BCKDHB: variants seen among roughly 807,000 people sequenced by gnomAD.
The protein encoded by BCKDHB is 2-oxoisovalerate dehydrogenase subunit beta, mitochondrial.
Under a neutral mutation model 48.5 loss-of-function variants are expected in BCKDHB, and 41 were observed. The ratio of observed to expected loss-of-function variants is 0.85; its 90% CI spans 0.66 to 1.10. BCKDHB has a LOEUF of 1.10. BCKDHB is among the 50% of genes least tolerant of loss of function. The probability of loss-of-function intolerance (pLI) is 0.00; values close to 1 mark genes in which losing one functional copy is unlikely to be tolerated. For missense variants in BCKDHB, 496 were observed against 494.2 expected, an observed-to-expected ratio of 1.00 and a Z score of -0.03; for synonymous variants, 201 against 174.8, an observed-to-expected ratio of 1.15 and a Z score of -1.18.
chr6:80,257,569 G>T (rs1777106616), intron 8 of BCKDHB, among the ~76,000 whole-genome samples: 1 of 151,976 alleles, frequency 6.6e-6, no homozygotes, highest in South Asian at 2.1e-4. Context: ...GATGAGAGGG[G>T]ATTTATTAAG....
chr6:80,111,878 C>T (rs535119941), intron 1 of BCKDHB, among the ~76,000 whole-genome samples: 10 of 152,106 alleles, frequency 6.6e-5, no homozygotes, highest in Non-Finnish European at 1.2e-4. Flanking sequence ...ACAGTGTTAC[C>T]CAGAGCCCCC....
At chr6:80,178,032 C>G (rs1773245577) in intron 6 of BCKDHB, among the ~76,000 whole-genome samples, 1 of 152,218 alleles carries the variant, frequency 6.6e-6, no homozygotes. Context: ...AGAACATACT[C>G]TTTCCATGCT....
the BCKDHB span, among the ~76,000 whole-genome samples, chr6:80,436,952 A>G: frequency 6.6e-6 from 1 of 152,326 alleles, no homozygotes; most frequent in African/African-American, 2.4e-5. Flanking sequence ...TATTTTCCAA[A>G]TTAGTCTGTG....
the BCKDHB span, among the ~76,000 whole-genome samples, chr6:80,396,197 C>G: frequency 1.1e-3 from 162 of 152,304 alleles, no homozygotes; most frequent in African/African-American, 3.9e-3. Flanking sequence ...GATCCACTGA[C>G]AGCTTGCACT....
chr6:80,230,255 G>T (rs1775867506), intron 8 of BCKDHB, among the ~76,000 whole-genome samples: 1 of 151,184 alleles, frequency 6.6e-6, no homozygotes, highest in Admixed American at 6.6e-5. Context: ...AGCCAGGATG[G>T]TCTCGATCTC....
the BCKDHB span, among the ~76,000 whole-genome samples, chr6:80,432,329 G>A: frequency 6.6e-6 from 1 of 152,152 alleles, no homozygotes; most frequent in Non-Finnish European, 1.5e-5. Context: ...ACCAAATGTA[G>A]ATTTGGTCTT....
chr6:80,413,555 G>C, the BCKDHB span, among the ~76,000 whole-genome samples: 1 of 152,104 alleles, frequency 6.6e-6, no homozygotes, highest in Admixed American at 6.6e-5. Flanking sequence ...ATGGTATTTG[G>C]ATTTGTGTAC....
At chr6:80,430,500 T>G in the BCKDHB span, among the ~76,000 whole-genome samples, 5,556 of 152,220 alleles carry the variant, frequency 0.036, 355 homozygotes, top group African/African-American at 0.13. Flanking sequence ...TCCTGGACTT[T>G]TTTTGGTTGG....
At chr6:80,402,724 T>G in the BCKDHB span, among the ~76,000 whole-genome samples, 1 of 151,866 alleles carries the variant, frequency 6.6e-6, no homozygotes, top group Non-Finnish European at 1.5e-5. Context: ...CTTCTAGAAG[T>G]TTATGATTTT....
chr6:80,452,175 A>G, the BCKDHB span, among the ~76,000 whole-genome samples: 1 of 152,168 alleles, frequency 6.6e-6, no homozygotes, highest in South Asian at 2.1e-4. Context: ...TCTTGTATAC[A>G]TGGTTTACAT....
the BCKDHB span, among the ~76,000 whole-genome samples, chr6:80,376,560 T>A: frequency 6.6e-6 from 1 of 152,202 alleles, no homozygotes; most frequent in Non-Finnish European, 1.5e-5. Context: ...TATGTTCTTG[T>A]GGTAGTTCTT....
the BCKDHB span, among the ~76,000 whole-genome samples, chr6:80,352,168 A>G: frequency 1.4e-5 from 2 of 145,110 alleles, no homozygotes; most frequent in South Asian, 2.2e-4. Context: ...TTTTGGAGAT[A>G]GGGTTTGGCC....
intron 6 of BCKDHB, among the ~76,000 whole-genome samples, chr6:80,187,096 C>T (rs137903896): frequency 6.6e-6 from 1 of 152,178 alleles, no homozygotes; most frequent in Admixed American, 6.5e-5. Flanking sequence ...ACACACTGTT[C>T]TGTCTGTCCA....
At chr6:80,205,791 G>GGTGT (rs3840387) in intron 8 of BCKDHB, among the ~76,000 whole-genome samples, 18,619 of 134,994 alleles carry the variant, frequency 0.14, 1,422 homozygotes, top group East Asian at 0.28. Flanking sequence ...CTGTGCCATG[G>GGTGT]GTGTGTGTGT....
At chr6:80,202,293 TA>T (rs772282476) in intron 7 of BCKDHB, among the ~76,000 whole-genome samples, 4 of 152,164 alleles carry the variant, frequency 2.6e-5, no homozygotes, top group Non-Finnish European at 4.4e-5. Context: ...TGTAGTCTAT[TA>T]GCTAGTCCAT....
At chr6:80,213,656 GTGTTTTTTTT>G (rs142641478) in intron 8 of BCKDHB, among the ~76,000 whole-genome samples, 5,274 of 149,790 alleles carry the variant, frequency 0.035, 291 homozygotes, top group African/African-American at 0.12. Flanking sequence ...TTCTTGGGAA[GTGTTTTTTTT>G]TGTTTTTTTT....
intron 1 of BCKDHB, among the ~76,000 whole-genome samples, chr6:80,120,313 A>C (rs1769937596): frequency 6.6e-6 from 1 of 150,712 alleles, no homozygotes; most frequent in South Asian, 2.1e-4. Context: ...ATAGTGCCAC[A>C]ATAAACATAC....
At chr6:80,300,028 C>G (rs1031773538) in intron 9 of BCKDHB, among the ~76,000 whole-genome samples, 1 of 147,574 alleles carries the variant, frequency 6.8e-6, no homozygotes, top group Non-Finnish European at 1.5e-5. Context: ...AAACGGAAAA[C>G]AAAAGAGGAA....
At chr6:80,126,021 T>C (rs922617686) in intron 1 of BCKDHB, among the ~76,000 whole-genome samples, 2 of 152,212 alleles carry the variant, frequency 1.3e-5, no homozygotes, top group Admixed American at 1.3e-4. Flanking sequence ...TTAAGTGTTA[T>C]AGCCCTAGCC....
Sources: gnomAD v4.1 joint callset for allele counts (sites outside exome capture counted in the v4.1 genomes callset) on GRCh38, gnomAD v4.1.1 for gene constraint, MANE v1.5 for transcripts, NCBI Gene and HGNC (gene_info 2026-07-23, HGNC 2026-07-21) for gene names.